The following COBL variants were observed in gnomAD, a reference collection of about 807,000 sequenced individuals.
COBL encodes cordon-bleu WH2 repeat protein.
In COBL, 51 loss-of-function variants were observed where a neutral mutation model predicts 98.8. The observed-to-expected ratio is 0.52, with a 90% CI of 0.41 to 0.65. The LOEUF (loss-of-function observed/expected upper bound fraction) is 0.65, where lower values mean the gene tolerates loss of function less well. COBL is among the 30% of genes least tolerant of loss of function. The pLI is 0.00. For synonymous variants in COBL, 634 were observed against 651.7 expected, an observed-to-expected ratio of 0.97 and a Z score of 0.41; for missense variants, 1,617 against 1,617.5, an observed-to-expected ratio of 1.00 and a Z score of 0.01.
intron 1 of COBL, among the ~76,000 whole-genome samples, chr7:51,248,955 T>C (rs908244605): frequency 6.6e-6 from 1 of 152,218 alleles, no homozygotes; most frequent in Non-Finnish European, 1.5e-5. Flanking sequence ...TCTAAGCCCA[T>C]TATGTAATTA....
intron 1 of COBL, among the ~76,000 whole-genome samples, chr7:51,315,390 C>A (rs1803445910): frequency 6.6e-6 from 1 of 152,164 alleles, no homozygotes; most frequent in Non-Finnish European, 1.5e-5. Context: ...AAAAAGAGCC[C>A]GACTGAAAGT....
Position 51,245,663 on chromosome 7 carries a change from G to A in COBL, c.42-25719C>T, listed in dbSNP as rs367885712. ...CCTACCATTTACAAGGTAATTCCTA[G>A]GGAGTCTATAACATAAATGATAGTA... On this transcript the variant is annotated intron_variant, in intron 1 of 12. Transcript: ENST00000265136. 4.9e-4 allele frequency among the ~76,000 whole-genome samples: 74 copies of A among 152,282 alleles called. No individual in the cohort carries two copies. The South Asian group carries it at 0.015, about 30-fold the overall frequency.
intron 1 of COBL, among the ~76,000 whole-genome samples, chr7:51,291,019 C>T (rs1470116814): frequency 6.6e-6 from 1 of 152,186 alleles, no homozygotes; most frequent in Non-Finnish European, 1.5e-5. Context: ...CCATTCCTGC[C>T]AGGGGCTCAC....
intron 5 of COBL, among the ~76,000 whole-genome samples, chr7:51,140,041 G>T (rs1562957034): frequency 6.6e-6 from 1 of 152,092 alleles, no homozygotes; most frequent in Non-Finnish European, 1.5e-5. Flanking sequence ...GTGAGTCATA[G>T]CTCTCACCAA....
At chr7:51,290,258 C>T (rs1800766944) in intron 1 of COBL, among the ~76,000 whole-genome samples, 1 of 152,142 alleles carries the variant, frequency 6.6e-6, no homozygotes, top group East Asian at 1.9e-4. Context: ...TACTGGTTAC[C>T]AGAGGACAAT....
At chr7:51,094,778 A>G (rs1193748034) in intron 6 of COBL, among the ~76,000 whole-genome samples, 1 of 152,212 alleles carries the variant, frequency 6.6e-6, no homozygotes, top group African/African-American at 2.4e-5. Flanking sequence ...TCTGGTAGAG[A>G]ATTTAAAAAA....
At chr7:51,018,203 TGGC>T (rs771532674) in intron 12 of COBL, among the ~76,000 whole-genome samples, 4 of 151,954 alleles carry the variant, frequency 2.6e-5, no homozygotes, top group Non-Finnish European at 5.9e-5. Context: ...GTGGTGGTGA[TGGC>T]GGTGGTTGTG....
chr7:51,199,788 A>G (rs999352950), intron 2 of COBL, among the ~76,000 whole-genome samples: 21 of 152,002 alleles, frequency 1.4e-4, no homozygotes, highest in Non-Finnish European at 2.5e-4. Context: ...GAAGAAAAAA[A>G]AAAAAAGAAA....
At chr7:51,184,506 A>G (rs913591989) in intron 4 of COBL, among the ~76,000 whole-genome samples, 2 of 152,360 alleles carry the variant, frequency 1.3e-5, no homozygotes, top group East Asian at 3.9e-4. Flanking sequence ...GTCCAACAGA[A>G]AGCTAAACCA....
chr7:51,070,827 G>A (rs776519556), intron 7 of COBL: 6 of 152,138 alleles, frequency 3.9e-5, no homozygotes, highest in Admixed American at 6.5e-5. Context: ...TTTCCAAATT[G>A]TTTCATCTAC....
chr7:51,044,303 G>C (rs1435113149), intron 7 of COBL, among the ~76,000 whole-genome samples: 2 of 152,168 alleles, frequency 1.3e-5, no homozygotes, highest in African/African-American at 2.4e-5. Context: ...GATGCATAGA[G>C]TGGCAACTTG....
chr7:51,295,613 C>A (rs1801354526), intron 1 of COBL, among the ~76,000 whole-genome samples: 1 of 152,110 alleles, frequency 6.6e-6, no homozygotes, highest in Non-Finnish European at 1.5e-5. Context: ...ATCCTGGAGA[C>A]AAGGATATGT....
At chr7:51,207,242 T>G (rs1791823296) in intron 2 of COBL, among the ~76,000 whole-genome samples, 1 of 152,122 alleles carries the variant, frequency 6.6e-6, no homozygotes, top group Non-Finnish European at 1.5e-5. Context: ...CGGACATTTT[T>G]TTTTTTTTTT....
chr7:51,069,813 G>A (rs1001248255), intron 7 of COBL, among the ~76,000 whole-genome samples: 3 of 152,198 alleles, frequency 2.0e-5, no homozygotes, highest in Non-Finnish European at 4.4e-5. Flanking sequence ...AAGAAAGTAT[G>A]ATAGATACTG....
At chr7:51,172,091 G>C (rs1377426629) in intron 5 of COBL, among the ~76,000 whole-genome samples, 1 of 152,234 alleles carries the variant, frequency 6.6e-6, no homozygotes, top group Non-Finnish European at 1.5e-5. Flanking sequence ...CGTGAACAGA[G>C]CGTAGGCTCA....
intron 1 of COBL, among the ~76,000 whole-genome samples, chr7:51,273,520 G>A (rs1027975198): frequency 1.3e-5 from 2 of 152,068 alleles, no homozygotes; most frequent in Admixed American, 1.3e-4. Context: ...CATTCCTAAG[G>A]AAGTCATCAT....
At chr7:51,266,076 G>A (rs1401724812) in intron 1 of COBL, among the ~76,000 whole-genome samples, 1 of 152,064 alleles carries the variant, frequency 6.6e-6, no homozygotes, top group Non-Finnish European at 1.5e-5. Context: ...AAATTCTGAT[G>A]TTTTAAGTAA....
At chr7:51,260,672 G>A (rs558139965) in intron 1 of COBL, among the ~76,000 whole-genome samples, 47 of 152,214 alleles carry the variant, frequency 3.1e-4, no homozygotes, top group Non-Finnish European at 5.7e-4. Context: ...TCTAGCATAA[G>A]GAAGGGTCGC....
intron 5 of COBL, among the ~76,000 whole-genome samples, chr7:51,182,667 G>A (rs1326039594): frequency 6.6e-6 from 1 of 151,504 alleles, no homozygotes; most frequent in Non-Finnish European, 1.5e-5. Flanking sequence ...GGAAGAGAGG[G>A]GGAGAGGAAG....
Sources: gnomAD v4.1 joint callset for allele counts (sites outside exome capture counted in the v4.1 genomes callset) on GRCh38, gnomAD v4.1.1 for gene constraint, MANE v1.5 for transcripts, NCBI Gene and HGNC (gene_info 2026-07-23, HGNC 2026-07-21) for gene names.